The following COL4A1 variants were observed in gnomAD, a reference collection of about 807,000 sequenced individuals.
COL4A1 encodes the protein collagen type IV alpha 1 chain.
COL4A1 carries 40 observed loss-of-function variants against 216.6 expected under a neutral mutation model. That is an observed-to-expected ratio of 0.18 (90% CI 0.14 to 0.24). The LOEUF is 0.24. Among genes scored for constraint, COL4A1 ranks in the 10% least tolerant of loss-of-function variants. COL4A1 has a pLI of 1.00. For missense variants in COL4A1, 1,628 were observed against 2,196.8 expected, an observed-to-expected ratio of 0.74 and a Z score of 5.18; for synonymous variants, 839 against 810.7, an observed-to-expected ratio of 1.03 and a Z score of -0.59.
chr13:110,190,555 T>C (rs1878582935), intron 24 of COL4A1, among the ~76,000 whole-genome samples: 3 of 152,218 alleles, frequency 2.0e-5, no homozygotes, highest in Admixed American at 2.0e-4. Context: ...GTCACAGAAA[T>C]GCTATCTAAG....
chr13:110,254,442 A>G (rs1452523100), intron 1 of COL4A1, among the ~76,000 whole-genome samples: 1 of 152,142 alleles, frequency 6.6e-6, no homozygotes, highest in African/African-American at 2.4e-5. Flanking sequence ...TCTGAGGAAG[A>G]CACAGCAGCG....
chr13:110,294,429 A>G (rs1198374819), intron 1 of COL4A1, among the ~76,000 whole-genome samples: 2 of 152,234 alleles, frequency 1.3e-5, no homozygotes, highest in Non-Finnish European at 2.9e-5. Flanking sequence ...CCTCCCTCCC[A>G]TTCCTCCATC....
intron 24 of COL4A1, chr13:110,191,527 C>G (rs1036795121): frequency 5.6e-5 from 30 of 535,776 alleles, no homozygotes; most frequent in Non-Finnish European, 9.5e-5. Context: ...TATTATTATG[C>G]TCTTCTATTT....
chr13:110,288,262 CA>C (rs67261918), intron 1 of COL4A1, among the ~76,000 whole-genome samples: 2,460 of 144,896 alleles, frequency 0.017, 63 homozygotes, highest in African/African-American at 0.054. Flanking sequence ...AACTCCCTCT[CA>C]AAAAAAAAAA....
At chr13:110,177,415 A>C (rs998267469) in intron 33 of COL4A1, among the ~76,000 whole-genome samples, 1 of 152,198 alleles carries the variant, frequency 6.6e-6, no homozygotes, top group Non-Finnish European at 1.5e-5. Context: ...TGACCTTTTC[A>C]TGTGTCATAT....
chr13:110,196,814 C>T (rs1878913251), intron 21 of COL4A1, among the ~76,000 whole-genome samples: 1 of 152,196 alleles, frequency 6.6e-6, no homozygotes, highest in African/African-American at 2.4e-5. Context: ...GCACAAATGG[C>T]TGCATTGTGT....
chr13:110,169,221 GTCC>G (rs1394020591), intron 43 of COL4A1, among the ~76,000 whole-genome samples: 1 of 152,150 alleles, frequency 6.6e-6, no homozygotes, highest in Non-Finnish European at 1.5e-5. Context: ...GCAATTCCCT[GTCC>G]TCCTGCCAGT....
intron 1 of COL4A1, among the ~76,000 whole-genome samples, chr13:110,255,452 C>G (rs1882467646): frequency 6.9e-6 from 1 of 145,322 alleles, no homozygotes. Flanking sequence ...CAGGTCATGG[C>G]TCAAGGACCA....
chr13:110,227,761 T>C (rs1245705431), intron 2 of COL4A1, among the ~76,000 whole-genome samples: 1 of 152,198 alleles, frequency 6.6e-6, no homozygotes, highest in East Asian at 1.9e-4. Context: ...GCACGTTCTG[T>C]GAAGAAACAG....
intron 1 of COL4A1, among the ~76,000 whole-genome samples, chr13:110,280,738 G>C (rs1480823238): frequency 6.6e-6 from 1 of 152,142 alleles, no homozygotes; most frequent in Non-Finnish European, 1.5e-5. Context: ...GTGCTATTCT[G>C]AGAACTTGTA....
chr13:110,230,182 C>A (rs1880959995), intron 2 of COL4A1, among the ~76,000 whole-genome samples: 1 of 151,716 alleles, frequency 6.6e-6, no homozygotes. Flanking sequence ...GAGTGTGTGC[C>A]CGTGGTGTGG....
rs1555307881 is a variant in COL4A1, at chr13:110,219,690, G to GTA, written c.145-5677_145-5676dup. 1.9e-3 allele frequency among the ~76,000 whole-genome samples: 255 copies of GTA among 135,054 alleles called. 3 individuals carry two copies. Among genetic ancestry groups the GTA allele is most frequent in the African/African-American group, 6.1e-3 (211 of 34,488 alleles). The allele number at this position is 135,054 out of a possible 152,430, so 88.6% of individuals were successfully genotyped here. On this transcript the variant is annotated intron_variant, in intron 2 of 51. Coordinates refer to ENST00000375820, the MANE Select transcript of COL4A1 (RefSeq NM_001845.6). ...TATATATATATATGTGTATATATAT[G>GTA]TATATATATGTATATACATATGTGT...
intron 24 of COL4A1, among the ~76,000 whole-genome samples, chr13:110,189,429 G>A (rs1008444232): frequency 2.6e-5 from 4 of 152,204 alleles, no homozygotes; most frequent in African/African-American, 9.6e-5. Flanking sequence ...TGGCACTGAC[G>A]TAGCACGCTC....
intron 18 of COL4A1, among the ~76,000 whole-genome samples, chr13:110,202,217 G>A (rs1007690623): frequency 1.4e-5 from 2 of 145,804 alleles, no homozygotes; most frequent in East Asian, 2.0e-4. Flanking sequence ...ACTTTACAAC[G>A]TATTATGAGA....
At chr13:110,233,173 T>C (rs1881144837) in intron 2 of COL4A1, among the ~76,000 whole-genome samples, 1 of 152,156 alleles carries the variant, frequency 6.6e-6, no homozygotes, top group Admixed American at 6.6e-5. Context: ...ATTCATTGTT[T>C]TCAAAGAACT....
chr13:110,237,339 G>T (rs1157338057), intron 2 of COL4A1, among the ~76,000 whole-genome samples: 1 of 151,966 alleles, frequency 6.6e-6, no homozygotes, highest in Non-Finnish European at 1.5e-5. Flanking sequence ...AGCTATAGAA[G>T]ATGGGGTTAG....
At position 110,175,758 on chromosome 13, in the gene COL4A1, C is replaced by T. The variant is rs552041263; in HGVS notation, c.3059-401G>A. Among the ~76,000 whole-genome samples the T allele has an allele frequency of 2.1e-4, 32 of 152,344 alleles. 1 individual carries two copies. In the South Asian group the frequency reaches 6.2e-3, roughly 30 times the overall value. The stretch of plus-strand genomic sequence containing the variant: ...GCGGGCAGGCCGGAGTCTGTGCACA[C>T]TCGGTTCTGTGATGCATGCTGGTAG... On this transcript the variant is annotated intron_variant, in intron 36 of 51. Transcript: ENST00000375820.
intron 1 of COL4A1, among the ~76,000 whole-genome samples, chr13:110,263,070 G>A (rs1000457290): frequency 6.6e-6 from 1 of 152,106 alleles, no homozygotes; most frequent in Non-Finnish European, 1.5e-5. Context: ...AACCCTGTCC[G>A]CTCTCCAAAC....
At chr13:110,283,988 G>A (rs950112047) in intron 1 of COL4A1, among the ~76,000 whole-genome samples, 1 of 152,070 alleles carries the variant, frequency 6.6e-6, no homozygotes, top group East Asian at 1.9e-4. Context: ...TTCAGCAAAG[G>A]GTCTGTCCGG....
Sources: gnomAD v4.1 joint callset for allele counts (sites outside exome capture counted in the v4.1 genomes callset) on GRCh38, gnomAD v4.1.1 for gene constraint, MANE v1.5 for transcripts, NCBI Gene and HGNC (gene_info 2026-07-23, HGNC 2026-07-21) for gene names.